Variants in TOGARAM1 observed in about 807,000 individuals in gnomAD.
TOGARAM1 encodes the protein TOG array regulator of axonemal microtubules protein 1.
TOGARAM1 carries 100 observed loss-of-function variants against 166.6 expected under a neutral mutation model. The observed-to-expected ratio is 0.60, with a 90% CI of 0.51 to 0.71. TOGARAM1 has a LOEUF of 0.71. Ranked by LOEUF, TOGARAM1 falls within the 30% of genes least tolerant of loss-of-function variation. The probability of loss-of-function intolerance (pLI) is 0.00; values close to 1 mark genes in which losing one functional copy is unlikely to be tolerated. For synonymous variants in TOGARAM1, 758 were observed against 763.8 expected (o/e 0.99, Z 0.13); for missense variants, 2,029 against 2,102.7 (o/e 0.96, Z 0.69).
intron 1 of TOGARAM1, among the ~76,000 whole-genome samples, chr14:44,969,067 C>T (rs994621471): frequency 6.6e-6 from 1 of 151,778 alleles, no homozygotes; most frequent in Non-Finnish European, 1.5e-5. Flanking sequence ...ATTTAAGTTT[C>T]CTTTATGTCT....
At chr14:45,054,406 A>G in intron 15 of TOGARAM1, 25 bp from the exon 16 acceptor site, 2 of 1,424,596 alleles carry the variant, frequency 1.4e-6, no homozygotes, top group South Asian at 2.5e-5. Context: ...AATTTGTATT[A>G]TACTAATTTT....
At position 45,004,161 on chromosome 14, in the gene TOGARAM1, C is replaced by A. The variant is rs1887829976; in HGVS notation, c.2439C>A (p.Tyr813Ter). The A allele has an allele frequency of 5.0e-6, 8 of 1,613,956 alleles. No homozygotes were observed. The highest frequency in any genetic ancestry group is 6.8e-6 in the Non-Finnish European group (8 of 1,180,000). ...SNGQNPSPGAYILPSYPVSSP... is the reference protein window; with the variant it reads ...SNGQNPSPGA ...GTCAAAATCCAAGTCCAGGAGCTTA[C>A]ATCCTTCCATCCTATCCTGTCTCAT... Residue 813 changes from tyrosine to a stop codon, truncating the protein, a stop_gained, in exon 4 of 20, where the codon TAC (tyrosine) becomes TAA (stop). Coordinates refer to ENST00000361462, the MANE Select transcript of TOGARAM1 (RefSeq NM_001308120.2). LOFTEE classifies it high-confidence loss of function.
intron 6 of TOGARAM1, among the ~76,000 whole-genome samples, chr14:45,009,382 A>G (rs2138854987): frequency 6.6e-6 from 1 of 152,226 alleles, no homozygotes; most frequent in South Asian, 2.1e-4. Flanking sequence ...ATTAGTATAA[A>G]CCCTGTTCCT....
chr14:45,041,015 G>A (rs1282334668), intron 11 of TOGARAM1, among the ~76,000 whole-genome samples: 2 of 152,082 alleles, frequency 1.3e-5, no homozygotes, highest in Admixed American at 1.3e-4. Flanking sequence ...CTCCAGCCTG[G>A]GCAACAGAGC....
At chr14:45,027,893 T>A (rs1361045970) in intron 9 of TOGARAM1, among the ~76,000 whole-genome samples, 1 of 151,630 alleles carries the variant, frequency 6.6e-6, no homozygotes, top group African/African-American at 2.4e-5. Context: ...AAAAAAGAAA[T>A]TTTGATTCTT....
At chr14:45,017,698 A>C (rs1880234728) in intron 7 of TOGARAM1, among the ~76,000 whole-genome samples, 1 of 152,196 alleles carries the variant, frequency 6.6e-6, no homozygotes, top group Admixed American at 6.5e-5. Flanking sequence ...AGCCTGCCCA[A>C]CATGGCGAAA....
At position 45,074,194 on chromosome 14, in the gene TOGARAM1, A is replaced by G. The variant is rs1040692977; in HGVS notation, c.*633A>G. ...AGTTTTAGAAAACATTAAACATTTT[A>G]AATGCACGTTTAAAAAACGTGTTGA... On this transcript the variant is annotated 3_prime_UTR_variant, in exon 20 of 20. Transcript: ENST00000361462. 6.6e-6 allele frequency: 1 copy of G among 152,638 alleles called. No homozygotes were observed. Among genetic ancestry groups the G allele is most frequent in the African/African-American group, 2.4e-5 (1 of 41,458 alleles). 9.5% of individuals were successfully genotyped at this position (152,638 alleles called of 1,614,324 possible). A position where few individuals can be genotyped will look rare whatever the true frequency, so the allele number is the denominator to read the frequency against.
At chr14:44,975,751 G>A (rs1227647744) in intron 1 of TOGARAM1, among the ~76,000 whole-genome samples, 1 of 148,836 alleles carries the variant, frequency 6.7e-6, no homozygotes, top group Non-Finnish European at 1.5e-5. Flanking sequence ...ACAGATGTGA[G>A]CCATCATGCC....
At chr14:45,028,417 C>A in intron 10 of TOGARAM1, 88 bp downstream of exon 10, 1 of 1,342,944 alleles carries the variant, frequency 7.4e-7, no homozygotes, top group Non-Finnish European at 1.0e-6. Context: ...TAATATATGA[C>A]TAAGAATGAA....
intron 16 of TOGARAM1, among the ~76,000 whole-genome samples, chr14:45,054,774 T>C (rs1882550463): frequency 6.6e-6 from 1 of 152,232 alleles, no homozygotes; most frequent in South Asian, 2.1e-4. Flanking sequence ...GCTTTAGTGT[T>C]ATTGAACTGG....
intron 7 of TOGARAM1, among the ~76,000 whole-genome samples, chr14:45,019,006 C>T (rs940496657): frequency 6.6e-6 from 1 of 152,200 alleles, no homozygotes; most frequent in African/African-American, 2.4e-5. Flanking sequence ...ATTCGCACAT[C>T]CAAATCTGAA....
intron 1 of TOGARAM1, among the ~76,000 whole-genome samples, chr14:44,989,166 A>G (rs1887004209): frequency 6.6e-6 from 1 of 152,198 alleles, no homozygotes; most frequent in South Asian, 2.1e-4. Flanking sequence ...TTCGATGTCC[A>G]TATCTTATAC....
At chr14:45,018,668 A>G (rs995302053) in intron 7 of TOGARAM1, among the ~76,000 whole-genome samples, 5 of 152,134 alleles carry the variant, frequency 3.3e-5, no homozygotes, top group Non-Finnish European at 7.4e-5. Context: ...TTTTTTGGTA[A>G]ATTTCTTAAC....
At position 44,986,766 on chromosome 14, in the gene TOGARAM1, G is replaced by A. The variant is rs1316181853; in HGVS notation, c.2047-8980G>A. Among the ~76,000 whole-genome samples the A allele has an allele frequency of 3.3e-5, 5 of 151,592 alleles. No individual in the cohort carries two copies. The South Asian group carries it at 1.0e-3, about 32-fold the overall frequency. On this transcript the variant is annotated intron_variant, in intron 1 of 19. Coordinates refer to ENST00000361462, the MANE Select transcript of TOGARAM1 (RefSeq NM_001308120.2). ...TCGAGCCTGTAATCCCAGCACTTTGGGAGGCCCAGGCGGGCAGATCACGAG... is the reference window on the plus strand; with the variant it reads ...TCGAGCCTGTAATCCCAGCACTTTGAGAGGCCCAGGCGGGCAGATCACGAG...
At chr14:45,059,684 C>CA (rs1349968746) in intron 16 of TOGARAM1, among the ~76,000 whole-genome samples, 1 of 151,000 alleles carries the variant, frequency 6.6e-6, no homozygotes. Context: ...CAAAACAAAA[C>CA]AAAAAACAAA....
intron 5 of TOGARAM1, chr14:45,007,540 A>G (rs1879530248): frequency 1.3e-5 from 2 of 152,116 alleles, no homozygotes; most frequent in South Asian, 4.1e-4. Context: ...ATTAGTAAAT[A>G]CAGGAGGATA....
rs200749226 is a variant in TOGARAM1 at position 44,973,592 on chromosome 14, C to CTA, written c.2046+9126_2046+9127insAT. 9.5e-3 allele frequency among the ~76,000 whole-genome samples: 1,399 copies of CTA among 147,872 alleles called. 17 individuals are homozygous for CTA. Among genetic ancestry groups the CTA allele is most frequent in the African/African-American group, 0.034 (1,304 of 38,574 alleles). On this transcript the variant is annotated intron_variant, in intron 1 of 19. Coordinates refer to ENST00000361462, the MANE Select transcript of TOGARAM1 (RefSeq NM_001308120.2). ...TCCAGTGTACTTTCTCTCTCTCTCT[C>CTA]TCTCTATATATACATATATATATAT...
At chr14:44,995,961 A>G (rs776726233) in intron 2 of TOGARAM1, 59 bp downstream of exon 2, 4 of 1,419,512 alleles carry the variant, frequency 2.8e-6, no homozygotes, top group Non-Finnish European at 3.8e-6. Flanking sequence ...TTAACTTCAT[A>G]GTGCATTCAA....
At chr14:45,065,063 C>A (rs1415569083) in intron 16 of TOGARAM1, among the ~76,000 whole-genome samples, 1 of 151,914 alleles carries the variant, frequency 6.6e-6, no homozygotes. Flanking sequence ...AATGTAAGAA[C>A]CTTACAATAT....
Sources: allele counts gnomAD v4.1 joint callset (sites outside exome capture counted in the v4.1 genomes callset), GRCh38; gene constraint gnomAD v4.1.1; transcripts MANE v1.5; gene names NCBI Gene and HGNC (gene_info 2026-07-23, HGNC 2026-07-21).